Variants in EPHA6 observed in about 807,000 individuals in gnomAD.
EPHA6 encodes EPH receptor A6.
A neutral mutation model predicts 112.0 loss-of-function variants in EPHA6; 50 were observed. The observed-to-expected ratio is 0.45, with a 90% confidence interval of 0.36 to 0.56. The LOEUF is 0.56. Ranked by LOEUF, EPHA6 falls within the 20% of genes least tolerant of loss-of-function variation. The pLI, the probability that EPHA6 is intolerant of heterozygous loss-of-function variation, is 0.00. For missense variants in EPHA6, 1,280 were observed against 1,417.4 expected (o/e 0.90, Z 1.56); for synonymous variants, 529 against 490.7 (o/e 1.08, Z -1.03).
intron 2 of EPHA6, among the ~76,000 whole-genome samples, chr3:96,894,720 G>C (rs1469660188): frequency 6.6e-6 from 1 of 152,046 alleles, no homozygotes; most frequent in Admixed American, 6.6e-5. Context: ...ACTTTAATGT[G>C]GACGTGGATG....
intron 11 of EPHA6, among the ~76,000 whole-genome samples, chr3:97,543,260 T>C (rs2092893413): frequency 6.6e-6 from 1 of 152,204 alleles, no homozygotes; most frequent in African/African-American, 2.4e-5. Flanking sequence ...CCATCTTGAA[T>C]TGATTTTTGT....
intron 5 of EPHA6, among the ~76,000 whole-genome samples, chr3:97,322,349 T>G (rs2082160134): frequency 6.6e-6 from 1 of 152,028 alleles, no homozygotes; most frequent in African/African-American, 2.4e-5. Flanking sequence ...TTCCTGTTTA[T>G]GGAAGGCAAA....
At chr3:97,271,066 G>A (rs1402586264) in intron 5 of EPHA6, among the ~76,000 whole-genome samples, 5 of 152,038 alleles carry the variant, frequency 3.3e-5, no homozygotes, top group African/African-American at 1.2e-4. Context: ...ACAATTAGAG[G>A]GTAATGAGTG....
chr3:97,561,496 C>G (rs1216363204), intron 11 of EPHA6, among the ~76,000 whole-genome samples: 1 of 152,022 alleles, frequency 6.6e-6, no homozygotes, highest in East Asian at 1.9e-4. Context: ...GCAAGGCCCT[C>G]TCTTCAATTC....
intron 3 of EPHA6, among the ~76,000 whole-genome samples, chr3:97,195,443 T>C (rs2077414648): frequency 6.6e-6 from 1 of 152,064 alleles, no homozygotes; most frequent in Admixed American, 6.6e-5. Flanking sequence ...CTTATTTTAT[T>C]GTTAATGTCT....
At chr3:97,699,968 A>G (rs1390756795) in intron 14 of EPHA6, among the ~76,000 whole-genome samples, 1 of 152,232 alleles carries the variant, frequency 6.6e-6, no homozygotes, top group African/African-American at 2.4e-5. Flanking sequence ...CAGAATTTTA[A>G]ATGATGATGC....
chr3:97,493,185 T>C (rs939775837), intron 10 of EPHA6, among the ~76,000 whole-genome samples: 1 of 152,062 alleles, frequency 6.6e-6, no homozygotes, highest in African/African-American at 2.4e-5. Flanking sequence ...TACGTACATG[T>C]AAATGTGTTT....
At chr3:96,897,204 A>G (rs1473770291) in intron 2 of EPHA6, among the ~76,000 whole-genome samples, 2 of 140,242 alleles carry the variant, frequency 1.4e-5, no homozygotes, top group Admixed American at 1.5e-4. Context: ...ATATCTGTGT[A>G]TATACAAACA....
intron 2 of EPHA6, among the ~76,000 whole-genome samples, chr3:96,973,891 T>C (rs2042413749): frequency 6.9e-6 from 1 of 145,840 alleles, no homozygotes; most frequent in Admixed American, 6.9e-5. Context: ...ATTCTGTATA[T>C]TATATAATAT....
chr3:97,424,754 C>T (rs774511048), intron 6 of EPHA6, among the ~76,000 whole-genome samples: 22 of 147,104 alleles, frequency 1.5e-4, no homozygotes, highest in Admixed American at 3.5e-4. Context: ...TGCAGTGAGC[C>T]GAGACCACGC....
chr3:97,260,261 C>G (rs141223696), intron 5 of EPHA6, among the ~76,000 whole-genome samples: 13 of 152,094 alleles, frequency 8.5e-5, no homozygotes, highest in African/African-American at 1.2e-4. Context: ...GAGTGTGGAG[C>G]CTTGGGATCA....
intron 2 of EPHA6, among the ~76,000 whole-genome samples, chr3:96,937,459 T>C (rs577295069): frequency 1.1e-5 from 1 of 93,340 alleles, no homozygotes; most frequent in East Asian, 3.9e-4. Flanking sequence ...GGGTTGTTTG[T>C]TTTTTCTTGT....
chr3:97,637,842 A>T, intron 13 of EPHA6, 31 bp from the exon 14 acceptor site: 4 of 1,556,170 alleles, frequency 2.6e-6, no homozygotes, highest in Non-Finnish European at 3.5e-6. Context: ...ATTAAAATAA[A>T]TCAATTTACA....
At chr3:97,092,534 A>T (rs1217577367) in intron 3 of EPHA6, among the ~76,000 whole-genome samples, 3 of 152,086 alleles carry the variant, frequency 2.0e-5, no homozygotes, top group African/African-American at 4.8e-5. Context: ...GTGGAAGACA[A>T]AAGTATATCT....
intron 14 of EPHA6, among the ~76,000 whole-genome samples, chr3:97,706,725 A>G (rs1027205151): frequency 6.9e-6 from 1 of 145,364 alleles, no homozygotes; most frequent in Non-Finnish European, 1.5e-5. Flanking sequence ...GATTACCTCT[A>G]TTCTGAAGGT....
At chr3:96,872,450 C>T (rs1320991305) in intron 2 of EPHA6, among the ~76,000 whole-genome samples, 3 of 152,066 alleles carry the variant, frequency 2.0e-5, no homozygotes, top group Admixed American at 2.0e-4. Flanking sequence ...ATTTAAATTT[C>T]TGACCTATTT....
chr3:97,557,576 C>A (rs931783155), intron 11 of EPHA6, among the ~76,000 whole-genome samples: 1 of 151,790 alleles, frequency 6.6e-6, no homozygotes, highest in African/African-American at 2.4e-5. Context: ...AATATTAATT[C>A]TGACCAGCTT....
intron 3 of EPHA6, among the ~76,000 whole-genome samples, chr3:97,209,266 A>T (rs2077799132): frequency 6.6e-6 from 1 of 152,126 alleles, no homozygotes; most frequent in Non-Finnish European, 1.5e-5. Flanking sequence ...GAAGAGATAA[A>T]TGTGGTAATT....
chr3:97,587,374 T>C (rs972433421), intron 11 of EPHA6, among the ~76,000 whole-genome samples: 2 of 152,202 alleles, frequency 1.3e-5, no homozygotes, highest in African/African-American at 4.8e-5. Flanking sequence ...CATTTGTAAA[T>C]CATATATATG....
Sources: allele counts gnomAD v4.1 joint callset (sites outside exome capture counted in the v4.1 genomes callset), GRCh38; gene constraint gnomAD v4.1.1; transcripts MANE v1.5; gene names NCBI Gene and HGNC (gene_info 2026-07-23, HGNC 2026-07-21).